The following UBE2E2 variants were observed in gnomAD, a reference collection of about 807,000 sequenced individuals.
The protein encoded by UBE2E2 is ubiquitin-conjugating enzyme E2 E2.
In UBE2E2, 6 loss-of-function variants were observed where a neutral mutation model predicts 24.7. The observed-to-expected ratio is 0.24, with a 90% CI of 0.13 to 0.48. The LOEUF is 0.48. Ranked by LOEUF, UBE2E2 falls within the 20% of genes least tolerant of loss-of-function variation. The pLI is 0.99. For synonymous variants in UBE2E2, 104 were observed against 83.6 expected (o/e 1.24, Z -1.33); for missense variants, 169 against 245.0 (o/e 0.69, Z 2.07).
intron 3 of UBE2E2, among the ~76,000 whole-genome samples, chr3:23,480,307 A>T (rs1699230235): frequency 1.3e-5 from 2 of 152,190 alleles, no homozygotes; most frequent in Non-Finnish European, 2.9e-5. Flanking sequence ...TCCACCTCAG[A>T]GTGGATGCCC....
intron 3 of UBE2E2, among the ~76,000 whole-genome samples, chr3:23,284,986 T>A (rs1408529393): frequency 1.3e-5 from 2 of 150,836 alleles, no homozygotes; most frequent in East Asian, 3.9e-4. Flanking sequence ...TATTTATATA[T>A]TTACCTGTTA....
intron 3 of UBE2E2, among the ~76,000 whole-genome samples, chr3:23,435,525 C>T (rs753900033): frequency 4.6e-5 from 7 of 152,300 alleles, no homozygotes; most frequent in African/African-American, 7.2e-5. Flanking sequence ...AGTTAGTTAC[C>T]TATGTTCACA....
rs182311221 is a variant in UBE2E2 at position 23,385,552 on chromosome 3, A to C, written c.228-114056A>C. Among the ~76,000 whole-genome samples the C allele has an allele frequency of 9.8e-5, 15 of 152,330 alleles. No individual in the cohort carries two copies. The East Asian group carries it at 2.5e-3, about 25-fold the overall frequency. On this transcript the variant is annotated intron_variant, in intron 3 of 5. Transcript: ENST00000396703. ...CTCTGTAATCCTGCCTTGTCTGTTA[A>C]TGTCAGGTGTATCTCACAGCTGATG...
intron 3 of UBE2E2, among the ~76,000 whole-genome samples, chr3:23,372,171 A>C (rs569775695): frequency 6.6e-6 from 1 of 152,252 alleles, no homozygotes. Flanking sequence ...AATAAAACTT[A>C]ATGTTTATAC....
At chr3:23,446,518 T>C (rs556579968) in intron 3 of UBE2E2, among the ~76,000 whole-genome samples, 1 of 152,240 alleles carries the variant, frequency 6.6e-6, no homozygotes, top group South Asian at 2.1e-4. Context: ...GGAAGGATAT[T>C]ATGGTCTCTT....
intron 3 of UBE2E2, among the ~76,000 whole-genome samples, chr3:23,365,555 A>T (rs1696229223): frequency 6.6e-6 from 1 of 152,176 alleles, no homozygotes; most frequent in South Asian, 2.1e-4. Context: ...GATTGCAGCT[A>T]ATCTGGGAGG....
At chr3:23,543,855 T>A (rs117442319) in intron 5 of UBE2E2, among the ~76,000 whole-genome samples, 4,394 of 152,226 alleles carry the variant, frequency 0.029, 107 homozygotes, top group East Asian at 0.13. Context: ...CATGGTATTG[T>A]TATAAAAGTA....
chr3:23,226,705 G>A (rs1263935288), intron 3 of UBE2E2, among the ~76,000 whole-genome samples: 2 of 152,186 alleles, frequency 1.3e-5, no homozygotes, highest in African/African-American at 2.4e-5. Context: ...AGTTTAACAG[G>A]TTGGCCCTCC....
At chr3:23,406,627 A>T (rs1303757286) in intron 3 of UBE2E2, among the ~76,000 whole-genome samples, 2 of 152,212 alleles carry the variant, frequency 1.3e-5, no homozygotes, top group African/African-American at 4.8e-5. Context: ...TTGGTTAAAG[A>T]GAAGATTGAA....
At chr3:23,300,870 G>A (rs545487343) in intron 3 of UBE2E2, among the ~76,000 whole-genome samples, 2 of 152,280 alleles carry the variant, frequency 1.3e-5, no homozygotes, top group South Asian at 4.2e-4. Context: ...ATAATATCCT[G>A]TAGAGTGTTT....
At chr3:23,252,405 T>C (rs1483348382) in intron 3 of UBE2E2, among the ~76,000 whole-genome samples, 1 of 152,216 alleles carries the variant, frequency 6.6e-6, no homozygotes, top group African/African-American at 2.4e-5. Context: ...CTTGCTACTC[T>C]GCAGACAATG....
chr3:23,544,048 A>G (rs915806145), intron 5 of UBE2E2, among the ~76,000 whole-genome samples: 1 of 152,232 alleles, frequency 6.6e-6, no homozygotes, highest in African/African-American at 2.4e-5. Context: ...CTCTTACCAT[A>G]TACAAAAATC....
chr3:23,463,286 C>T (rs1311691229), intron 3 of UBE2E2, among the ~76,000 whole-genome samples: 4 of 152,038 alleles, frequency 2.6e-5, no homozygotes, highest in Non-Finnish European at 5.9e-5. Flanking sequence ...TTAGTGGCTG[C>T]ACCCTAGGAA....
chr3:23,519,993 TC>T (rs1410110758), intron 4 of UBE2E2, among the ~76,000 whole-genome samples: 1 of 152,240 alleles, frequency 6.6e-6, no homozygotes, highest in African/African-American at 2.4e-5. Flanking sequence ...ACATGCTTGA[TC>T]ATTTTGTCAG....
At chr3:23,540,751 G>A (rs1222446695) in intron 5 of UBE2E2, among the ~76,000 whole-genome samples, 2 of 152,026 alleles carry the variant, frequency 1.3e-5, no homozygotes, top group African/African-American at 2.4e-5. Flanking sequence ...ACCTCATTCT[G>A]TTGCCTATGC....
rs757111049 is a variant in UBE2E2 at position 23,363,916 on chromosome 3, TA to T, written c.228-135678del. 2.5e-3 allele frequency among the ~76,000 whole-genome samples: 345 copies of T among 135,904 alleles called. 2 individuals are homozygous for T. Among genetic ancestry groups the T allele is most frequent in the African/African-American group, 5.7e-3 (212 of 37,102 alleles). The allele number at this position is 135,904 out of a possible 152,430, so 89.2% of individuals were successfully genotyped here. Reference sequence around the variant, plus strand: ...GGCCATAAGACGATTCTCAGCAACTTAAAAAAAAAAAAAACTTACCAAACAC... The same window carrying T: ...GGCCATAAGACGATTCTCAGCAACTTAAAAAAAAAAAAACTTACCAAACAC... On this transcript the variant is annotated intron_variant, in intron 3 of 5. Transcript: ENST00000396703.
At chr3:23,371,014 G>A (rs1031808957) in intron 3 of UBE2E2, among the ~76,000 whole-genome samples, 2 of 152,136 alleles carry the variant, frequency 1.3e-5, no homozygotes, top group African/African-American at 2.4e-5. Flanking sequence ...ATAACCAATT[G>A]TGTACTTTTT....
At chr3:23,548,141 C>T (rs974852681) in intron 5 of UBE2E2, among the ~76,000 whole-genome samples, 1 of 152,186 alleles carries the variant, frequency 6.6e-6, no homozygotes, top group Non-Finnish European at 1.5e-5. Flanking sequence ...AAGACTGCCT[C>T]TTTCAGGAAT....
chr3:23,439,935 A>T (rs1418683401), intron 3 of UBE2E2, among the ~76,000 whole-genome samples: 1 of 151,918 alleles, frequency 6.6e-6, no homozygotes, highest in Non-Finnish European at 1.5e-5. Flanking sequence ...AGCTATACTT[A>T]TTCATTGTAG....
Sources: allele counts gnomAD v4.1 joint callset (sites outside exome capture counted in the v4.1 genomes callset), GRCh38; gene constraint gnomAD v4.1.1; transcripts MANE v1.5; gene names NCBI Gene and HGNC (gene_info 2026-07-23, HGNC 2026-07-21).